Variants in VAC14 observed in about 807,000 individuals in gnomAD.
VAC14 encodes the protein protein VAC14 homolog.
VAC14 carries 47 observed loss-of-function variants against 85.3 expected under a neutral mutation model. The ratio of observed to expected loss-of-function variants is 0.55; its 90% CI spans 0.44 to 0.70. The LOEUF (loss-of-function observed/expected upper bound fraction) is 0.70. VAC14 is among the 30% of genes least tolerant of loss of function. VAC14 has a pLI of 0.00. For missense variants in VAC14, 861 were observed against 1,004.3 expected, an observed-to-expected ratio of 0.86 and a Z score of 1.93; for synonymous variants, 447 against 430.5, an observed-to-expected ratio of 1.04 and a Z score of -0.47.
intron 16 of VAC14, 27 bp downstream of exon 16, chr16:70,697,112 C>A: frequency 1.3e-6 from 2 of 1,596,058 alleles, no homozygotes; most frequent in Non-Finnish European, 1.7e-6. Context: ...AGAGGCTCAA[C>A]CCCAACCACA....
chr16:70,702,030 G>T (rs1278322472), intron 14 of VAC14, among the ~76,000 whole-genome samples: 1 of 152,210 alleles, frequency 6.6e-6, no homozygotes, highest in African/African-American at 2.4e-5. Context: ...CCTTCTAAGA[G>T]AAAGTTCTAG....
At chr16:70,723,399 C>T (rs534479263) in intron 14 of VAC14, among the ~76,000 whole-genome samples, 1 of 151,496 alleles carries the variant, frequency 6.6e-6, no homozygotes, top group African/African-American at 2.4e-5. Context: ...CTCCACATAG[C>T]CCAGTGACTG....
rs1430527321 is a variant in VAC14, at chr16:70,800,458, G to A, written c.104+339C>T. Among the ~76,000 whole-genome samples, 5 of 152,226 alleles carry A rather than the reference G, an allele frequency of 3.3e-5. No homozygotes were observed. In the South Asian group the frequency reaches 1.0e-3, roughly 32 times the overall value. On this transcript the variant is annotated intron_variant, in intron 1 of 18. Coordinates refer to ENST00000261776, the MANE Select transcript of VAC14 (RefSeq NM_018052.5). The stretch of plus-strand genomic sequence containing the variant: ...GGCTTCTGACTTCTCTCTCACCACA[G>A]AGACAACTCTCTGATTTGCTGGTTT...
intron 13 of VAC14, among the ~76,000 whole-genome samples, chr16:70,743,631 T>C (rs2030578126): frequency 6.6e-6 from 1 of 152,038 alleles, no homozygotes; most frequent in East Asian, 1.9e-4. Flanking sequence ...TAACAATCAC[T>C]GTGAAGGTCC....
chr16:70,711,292 G>T (rs1180956083), intron 14 of VAC14, among the ~76,000 whole-genome samples: 1 of 152,174 alleles, frequency 6.6e-6, no homozygotes, highest in African/African-American at 2.4e-5. Flanking sequence ...CTTCAGGCAT[G>T]GCCATGCCCT....
In VAC14 at chr16:70,695,642, A is replaced by C; in HGVS notation, c.1956-19T>G. 1 of 1,610,408 alleles carries C rather than the reference A, an allele frequency of 6.2e-7. No homozygotes were observed. Among genetic ancestry groups the C allele is most frequent in the Non-Finnish European group, 8.5e-7 (1 of 1,177,220 alleles). ...GTCCCCACTGGGTGTGCAGTCAAGG[A>C]AAGTCTGTCTGCTGGGCCAGCACAG... On this transcript the variant is annotated intron_variant, in intron 16 of 18. Coordinates refer to ENST00000261776, the MANE Select transcript of VAC14 (RefSeq NM_018052.5).
chr16:70,705,288 G>A (rs565935654), intron 14 of VAC14, among the ~76,000 whole-genome samples: 19 of 152,318 alleles, frequency 1.2e-4, no homozygotes, highest in Admixed American at 6.5e-4. Flanking sequence ...CATCTGACCC[G>A]TGGTGGGGGT....
chr16:70,722,104 C>A (rs922294234), intron 14 of VAC14, among the ~76,000 whole-genome samples: 1 of 152,212 alleles, frequency 6.6e-6, no homozygotes, highest in Admixed American at 6.5e-5. Context: ...ACGAGGACAA[C>A]GGCAAATGAC....
intron 9 of VAC14, among the ~76,000 whole-genome samples, chr16:70,774,887 A>G (rs1490491100): frequency 6.6e-6 from 1 of 151,828 alleles, no homozygotes; most frequent in Non-Finnish European, 1.5e-5. Context: ...CTGAGATTAC[A>G]GTGGCGCGCC....
intron 14 of VAC14, among the ~76,000 whole-genome samples, chr16:70,712,783 T>C (rs2054062661): frequency 6.6e-6 from 1 of 152,244 alleles, no homozygotes; most frequent in Admixed American, 6.5e-5. Flanking sequence ...TTTCAGTTTT[T>C]ATTGTATGTG....
intron 15 of VAC14, among the ~76,000 whole-genome samples, chr16:70,697,969 C>T (rs2053747455): frequency 1.5e-5 from 2 of 137,556 alleles, no homozygotes; most frequent in Non-Finnish European, 3.3e-5. Flanking sequence ...CCTGTCCCCG[C>T]ACGGCCTCTG....
At chr16:70,690,675 C>T (rs1221961627) in intron 18 of VAC14, 24 of 985,592 alleles carry the variant, frequency 2.4e-5, no homozygotes, top group South Asian at 4.7e-5. Flanking sequence ...CCCCGCAACT[C>T]GACCCTGTCT....
At chr16:70,701,709 C>T (rs866827415) in intron 14 of VAC14, among the ~76,000 whole-genome samples, 1 of 152,324 alleles carries the variant, frequency 6.6e-6, no homozygotes, top group Middle Eastern at 3.4e-3. Flanking sequence ...GATTTGCTAG[C>T]GGCTTCCGCC....
At chr16:70,701,783 C>T (rs1249333902) in intron 14 of VAC14, among the ~76,000 whole-genome samples, 1 of 152,208 alleles carries the variant, frequency 6.6e-6, no homozygotes, top group Non-Finnish European at 1.5e-5. Context: ...TCGCTGGTTC[C>T]TCTCCAGCCT....
chr16:70,714,219 G>C (rs1191928945), intron 14 of VAC14: 1 of 152,200 alleles, frequency 6.6e-6, no homozygotes, highest in Non-Finnish European at 1.5e-5. Flanking sequence ...TGAGAGAAGA[G>C]ACTGGAAGGA....
intron 14 of VAC14, among the ~76,000 whole-genome samples, chr16:70,702,822 T>C (rs2053855787): frequency 6.6e-6 from 1 of 152,090 alleles, no homozygotes; most frequent in Non-Finnish European, 1.5e-5. Flanking sequence ...CCGGGATCTG[T>C]ACAGACAGGT....
chr16:70,696,851 G>A (rs193155305), intron 16 of VAC14: 3 of 360,970 alleles, frequency 8.3e-6, no homozygotes, highest in South Asian at 2.5e-5. Context: ...AGCATCACCC[G>A]CTGGCACCTG....
chr16:70,691,340 C>A, intron 18 of VAC14: 1 of 985,442 alleles, frequency 1.0e-6, no homozygotes, highest in Non-Finnish European at 1.2e-6. Flanking sequence ...GCCCTTCCTG[C>A]CTCCTCCCTG....
chr16:70,781,718 A>G, intron 8 of VAC14, 151 bp downstream of exon 8: 1 of 1,136,468 alleles, frequency 8.8e-7, no homozygotes, highest in East Asian at 2.7e-5. Flanking sequence ...TTCCTAATCC[A>G]CGTTTGGCTC....
Sources: allele counts gnomAD v4.1 joint callset (sites outside exome capture counted in the v4.1 genomes callset), GRCh38; gene constraint gnomAD v4.1.1; transcripts MANE v1.5; gene names NCBI Gene and HGNC (gene_info 2026-07-23, HGNC 2026-07-21).